Variants in PDE1C observed in about 807,000 individuals in gnomAD.
The protein encoded by PDE1C is dual specificity calcium/calmodulin-dependent 3',5'-cyclic nucleotide phosphodiesterase 1C.
In PDE1C, 62 loss-of-function variants were observed where a neutral mutation model predicts 93.1. That is an observed-to-expected ratio of 0.67 (90% confidence interval 0.54 to 0.82). PDE1C has a LOEUF of 0.82. Among genes scored for constraint, PDE1C ranks in the 40% least tolerant of loss-of-function variants. PDE1C has a pLI of 0.00. For missense variants in PDE1C, 742 were observed against 884.6 expected, an observed-to-expected ratio of 0.84 and a Z score of 2.04; for synonymous variants, 325 against 310.1, an observed-to-expected ratio of 1.05 and a Z score of -0.50.
intron 3 of PDE1C, among the ~76,000 whole-genome samples, chr7:32,078,436 T>C (rs1796476031): frequency 6.6e-6 from 1 of 152,076 alleles, no homozygotes; most frequent in African/African-American, 2.4e-5. Flanking sequence ...AGGCTGTTGG[T>C]AAATGCTTCT....
chr7:31,799,888 C>T (rs1229200164), intron 16 of PDE1C, among the ~76,000 whole-genome samples: 3 of 151,644 alleles, frequency 2.0e-5, no homozygotes, highest in Non-Finnish European at 1.5e-5. Context: ...AACAAACTGA[C>T]AAAGCTGTGT....
intron 1 of PDE1C, among the ~76,000 whole-genome samples, chr7:32,311,834 A>G (rs1199212754): frequency 6.6e-6 from 1 of 152,254 alleles, no homozygotes; most frequent in Non-Finnish European, 1.5e-5. Flanking sequence ...ATTCCCTTTT[A>G]AAACTGGCAC....
At chr7:32,259,121 G>A (rs543397798) in intron 1 of PDE1C, among the ~76,000 whole-genome samples, 1 of 152,238 alleles carries the variant, frequency 6.6e-6, no homozygotes, top group Non-Finnish European at 1.5e-5. Context: ...GGCATTTCAC[G>A]TGGTGTATGT....
chr7:32,053,609 A>C (rs1023171071), intron 1 of PDE1C, among the ~76,000 whole-genome samples: 1 of 152,130 alleles, frequency 6.6e-6, no homozygotes, highest in African/African-American at 2.4e-5. Flanking sequence ...AGCCCAACTA[A>C]TCCTATCAGC....
intron 2 of PDE1C, among the ~76,000 whole-genome samples, chr7:32,201,429 C>T (rs1805004477): frequency 6.6e-6 from 1 of 152,130 alleles, no homozygotes; most frequent in Non-Finnish European, 1.5e-5. Flanking sequence ...AGCGTGTACA[C>T]ATGTAGCAAG....
At chr7:32,182,748 G>C (rs1203729816) in intron 2 of PDE1C, among the ~76,000 whole-genome samples, 2 of 152,160 alleles carry the variant, frequency 1.3e-5, no homozygotes, top group Non-Finnish European at 2.9e-5. Flanking sequence ...ACAAGACAGG[G>C]ATGCCCTCTC....
chr7:31,806,610 T>C (rs1290107275), intron 16 of PDE1C, among the ~76,000 whole-genome samples: 1 of 151,910 alleles, frequency 6.6e-6, no homozygotes, highest in Non-Finnish European at 1.5e-5. Context: ...CAGGATGTAA[T>C]TTACCTTTCA....
the PDE1C span, among the ~76,000 whole-genome samples, chr7:31,676,601 G>C: frequency 6.6e-6 from 1 of 151,978 alleles, no homozygotes; most frequent in African/African-American, 2.4e-5. Context: ...GTGTTTGTGT[G>C]GGTGTGGGTG....
At chr7:31,677,570 A>G in the PDE1C span, among the ~76,000 whole-genome samples, 1 of 152,212 alleles carries the variant, frequency 6.6e-6, no homozygotes. Context: ...CCCCAGGTGC[A>G]GAAGTATTTG....
chr7:32,204,812 T>G (rs989462461), intron 2 of PDE1C, among the ~76,000 whole-genome samples: 7 of 152,182 alleles, frequency 4.6e-5, no homozygotes, highest in African/African-American at 7.2e-5. Context: ...GGCTGAAGCG[T>G]CCCCGTTCTG....
At chr7:32,349,926 C>G (rs977977283) in intron 1 of PDE1C, among the ~76,000 whole-genome samples, 2 of 152,210 alleles carry the variant, frequency 1.3e-5, no homozygotes, top group African/African-American at 4.8e-5. Flanking sequence ...CCACAGCCAG[C>G]CTCAAGTTGA....
intron 1 of PDE1C, among the ~76,000 whole-genome samples, chr7:32,060,875 T>G (rs549230912): frequency 6.6e-6 from 1 of 152,314 alleles, no homozygotes; most frequent in South Asian, 2.1e-4. Context: ...TTCCTCACAG[T>G]TAGCAGACAC....
intron 1 of PDE1C, among the ~76,000 whole-genome samples, chr7:32,419,146 T>A (rs1288337788): frequency 6.6e-6 from 1 of 152,140 alleles, no homozygotes; most frequent in East Asian, 1.9e-4. Flanking sequence ...GAGTTTAAAG[T>A]GGAGGTGATA....
At chr7:32,422,200 T>G (rs1288486789) in intron 1 of PDE1C, among the ~76,000 whole-genome samples, 1 of 152,198 alleles carries the variant, frequency 6.6e-6, no homozygotes, top group Non-Finnish European at 1.5e-5. Context: ...TTAGATTAAC[T>G]CAGCGCAGGG....
At chr7:32,047,909 A>G (rs1792822386) in intron 2 of PDE1C, among the ~76,000 whole-genome samples, 1 of 152,200 alleles carries the variant, frequency 6.6e-6, no homozygotes, top group African/African-American at 2.4e-5. Context: ...ACTTTATTTG[A>G]CTAATTATTA....
At chr7:32,146,967 T>G (rs1800874648) in intron 3 of PDE1C, among the ~76,000 whole-genome samples, 1 of 152,126 alleles carries the variant, frequency 6.6e-6, no homozygotes, top group Non-Finnish European at 1.5e-5. Flanking sequence ...AATTTCCATT[T>G]TAATTGATCT....
At chr7:31,835,059 G>C (rs889257379) in intron 11 of PDE1C, among the ~76,000 whole-genome samples, 12 of 151,862 alleles carry the variant, frequency 7.9e-5, no homozygotes, top group Admixed American at 1.3e-4. Flanking sequence ...CTTTCACTTG[G>C]TCCTCATTCT....
intron 1 of PDE1C, among the ~76,000 whole-genome samples, chr7:32,215,285 G>A (rs1467538204): frequency 6.6e-6 from 1 of 152,154 alleles, no homozygotes; most frequent in Admixed American, 6.5e-5. Flanking sequence ...TGTGCCTTAT[G>A]ATCATCTGAG....
intron 1 of PDE1C, among the ~76,000 whole-genome samples, chr7:32,410,408 G>C (rs921990718): frequency 2.6e-5 from 4 of 151,800 alleles, no homozygotes; most frequent in Non-Finnish European, 5.9e-5. Flanking sequence ...GGGAGGAGGA[G>C]GAAGAAAAAG....
Sources: gnomAD v4.1 joint callset for allele counts (sites outside exome capture counted in the v4.1 genomes callset) on GRCh38, gnomAD v4.1.1 for gene constraint, MANE v1.5 for transcripts, NCBI Gene and HGNC (gene_info 2026-07-23, HGNC 2026-07-21) for gene names.